Variants in GABRB1 observed in about 807,000 individuals in gnomAD.
The protein encoded by GABRB1 is gamma-aminobutyric acid type A receptor subunit beta1, also known as gamma-aminobutyric acid receptor subunit beta-1.
Under a neutral mutation model 51.6 loss-of-function variants are expected in GABRB1, and 17 were observed. That is an observed-to-expected ratio of 0.33 (90% CI 0.23 to 0.49). The LOEUF is 0.49. GABRB1 is among the 20% of genes least tolerant of loss of function. The pLI is 0.99. For missense variants in GABRB1, 410 were observed against 600.6 expected, an observed-to-expected ratio of 0.68 and a Z score of 3.32; for synonymous variants, 247 against 218.9, an observed-to-expected ratio of 1.13 and a Z score of -1.14.
intron 3 of GABRB1, chr4:47,043,460 A>G (rs1236817952): frequency 6.6e-6 from 1 of 152,034 alleles, no homozygotes; most frequent in Non-Finnish European, 1.5e-5. Flanking sequence ...GACTTTCAGG[A>G]TTTTACAGGA....
chr4:47,176,048 G>A (rs1053174829), intron 4 of GABRB1, among the ~76,000 whole-genome samples: 1 of 152,132 alleles, frequency 6.6e-6, no homozygotes, highest in South Asian at 2.1e-4. Flanking sequence ...AACTATAAAT[G>A]CATTTCTAAA....
chr4:47,126,319 A>C (rs1482879483), intron 3 of GABRB1, among the ~76,000 whole-genome samples: 1 of 152,180 alleles, frequency 6.6e-6, no homozygotes, highest in Non-Finnish European at 1.5e-5. Context: ...TATGAAAGAT[A>C]AATGCGTTCT....
chr4:47,128,234 T>C (rs1373805860), intron 3 of GABRB1, among the ~76,000 whole-genome samples: 1 of 151,818 alleles, frequency 6.6e-6, no homozygotes, highest in Non-Finnish European at 1.5e-5. Context: ...TTATGGAAAG[T>C]CATTAAAGTA....
At chr4:47,360,352 C>A (rs956744574) in intron 5 of GABRB1, among the ~76,000 whole-genome samples, 8 of 151,656 alleles carry the variant, frequency 5.3e-5, no homozygotes, top group Non-Finnish European at 1.2e-4. Context: ...AGTGCTGCAA[C>A]TCAGAGTTTT....
chr4:47,160,298 G>GT (rs1365149990), intron 3 of GABRB1, among the ~76,000 whole-genome samples: 1 of 152,118 alleles, frequency 6.6e-6, no homozygotes, highest in Non-Finnish European at 1.5e-5. Context: ...CAGGAATGTG[G>GT]TAAGAGAGAA....
intron 1 of GABRB1, among the ~76,000 whole-genome samples, chr4:47,001,433 T>G (rs149371685): frequency 1.3e-5 from 2 of 152,218 alleles, no homozygotes; most frequent in African/African-American, 2.4e-5. Context: ...TGAGCCACCA[T>G]GCCCGGCCAG....
At chr4:47,051,467 T>G (rs1726345967) in intron 3 of GABRB1, among the ~76,000 whole-genome samples, 1 of 152,200 alleles carries the variant, frequency 6.6e-6, no homozygotes, top group South Asian at 2.1e-4. Flanking sequence ...ACAGAAGAAC[T>G]TAAAAACAGG....
rs538900007 is a variant in GABRB1, at chr4:47,070,179, G to A, written c.240+37695G>A. ...GCCTCCCAAGTAGCTGGGACTACAG[G>A]CAAGCACCACCATGCCCAGCTAATT... On this transcript the variant is annotated intron_variant, in intron 3 of 8. Transcript: ENST00000295454. Among the ~76,000 whole-genome samples the A allele has an allele frequency of 1.7e-3, 264 of 152,136 alleles. 3 individuals carry two copies. The highest frequency in any genetic ancestry group is 6.2e-3 in the African/African-American group (259 of 41,500).
At chr4:47,422,205 G>A (rs1316221625) in intron 8 of GABRB1, among the ~76,000 whole-genome samples, 1 of 152,076 alleles carries the variant, frequency 6.6e-6, no homozygotes, top group African/African-American at 2.4e-5. Context: ...ATTTCTGAAG[G>A]TAGCCTGTTA....
At chr4:46,993,802 T>A (rs1229183838) in exon 1 of GABRB1, 2 of 217,304 alleles carry the variant, frequency 9.2e-6, no homozygotes, top group Non-Finnish European at 1.9e-5. Context: ...TCGCCCCTCC[T>A]CCGGCTTCGC....
chr4:47,033,041 T>C, intron 3 of GABRB1: 7 of 274,572 alleles, frequency 2.5e-5, no homozygotes, highest in South Asian at 2.3e-4. Context: ...CCATGTTTGC[T>C]AGTAGGAAAA....
intron 8 of GABRB1, among the ~76,000 whole-genome samples, chr4:47,415,392 C>A (rs566433152): frequency 6.6e-6 from 1 of 151,938 alleles, no homozygotes; most frequent in Non-Finnish European, 1.5e-5. Flanking sequence ...TCATGGTGGT[C>A]CCAAAGTTCC....
At chr4:47,384,237 C>A (rs1422955663) in intron 5 of GABRB1, among the ~76,000 whole-genome samples, 1 of 152,006 alleles carries the variant, frequency 6.6e-6, no homozygotes, top group African/African-American at 2.4e-5. Context: ...TGTACACACA[C>A]ACATACATTT....
At chr4:47,168,716 A>T (rs544185404) in intron 4 of GABRB1, among the ~76,000 whole-genome samples, 3 of 152,284 alleles carry the variant, frequency 2.0e-5, no homozygotes, top group African/African-American at 7.2e-5. Context: ...ATTTTAATGT[A>T]ATTGTATTAC....
At chr4:47,302,177 C>G (rs1724286345) in intron 4 of GABRB1, among the ~76,000 whole-genome samples, 1 of 152,072 alleles carries the variant, frequency 6.6e-6, no homozygotes, top group Non-Finnish European at 1.5e-5. Flanking sequence ...TCCCAATGTA[C>G]AGGGGAGATA....
chr4:47,241,625 C>T (rs1165779233), intron 4 of GABRB1, among the ~76,000 whole-genome samples: 5 of 152,186 alleles, frequency 3.3e-5, no homozygotes, highest in Admixed American at 1.3e-4. Context: ...TCATAAAGGG[C>T]ATATAACCAT....
intron 4 of GABRB1, among the ~76,000 whole-genome samples, chr4:47,279,301 A>G (rs1018260305): frequency 1.5e-4 from 23 of 152,220 alleles, no homozygotes; most frequent in African/African-American, 5.5e-4. Flanking sequence ...GCAGCCATTC[A>G]TTAGTGAGTG....
intron 3 of GABRB1, among the ~76,000 whole-genome samples, chr4:47,068,654 T>C (rs1412143816): frequency 6.6e-6 from 1 of 152,160 alleles, no homozygotes; most frequent in Non-Finnish European, 1.5e-5. Flanking sequence ...AATTGTTTGC[T>C]CTCTTATATG....
intron 8 of GABRB1, among the ~76,000 whole-genome samples, chr4:47,423,746 A>T (rs994566017): frequency 6.6e-6 from 1 of 152,192 alleles, no homozygotes; most frequent in African/African-American, 2.4e-5. Flanking sequence ...TTTTAATCCC[A>T]AATTTGGTAC....
Sources: gnomAD v4.1 joint callset for allele counts (sites outside exome capture counted in the v4.1 genomes callset) on GRCh38, gnomAD v4.1.1 for gene constraint, MANE v1.5 for transcripts, NCBI Gene and HGNC (gene_info 2026-07-23, HGNC 2026-07-21) for gene names.